The following CSMD3 variants were observed in gnomAD, a reference collection of about 807,000 sequenced individuals.
CSMD3 encodes the protein CUB and Sushi multiple domains 3.
In CSMD3, 177 loss-of-function variants were observed where a neutral mutation model predicts 435.2. That is an observed-to-expected ratio of 0.41 (90% CI 0.36 to 0.46). The LOEUF is 0.46. Among genes scored for constraint, CSMD3 ranks in the 20% least tolerant of loss-of-function variants. The pLI, the probability that CSMD3 is intolerant of heterozygous loss-of-function variation, is 0.34. For synonymous variants in CSMD3, 1,656 were observed against 1,520.5 expected, an observed-to-expected ratio of 1.09 and a Z score of -2.07; for missense variants, 4,265 against 4,504.6, an observed-to-expected ratio of 0.95 and a Z score of 1.52.
intron 10 of CSMD3, among the ~76,000 whole-genome samples, chr8:112,868,552 A>C (rs2130002585): frequency 6.6e-6 from 1 of 152,326 alleles, no homozygotes; most frequent in Admixed American, 6.5e-5. Flanking sequence ...TAGGTGATAT[A>C]AATTTTTCGG....
chr8:113,257,003 T>C (rs1343735007), intron 3 of CSMD3, among the ~76,000 whole-genome samples: 3 of 152,158 alleles, frequency 2.0e-5, no homozygotes, highest in Non-Finnish European at 4.4e-5. Context: ...TGAATGTTAA[T>C]AGAGGAAGGA....
intron 45 of CSMD3, among the ~76,000 whole-genome samples, chr8:112,321,368 G>T (rs151229648): frequency 6.6e-6 from 1 of 152,064 alleles, no homozygotes; most frequent in African/African-American, 2.4e-5. Context: ...TATTATGGGA[G>T]TATTGAAAAG....
At chr8:113,234,353 A>G (rs747979883) in intron 3 of CSMD3, among the ~76,000 whole-genome samples, 6 of 152,124 alleles carry the variant, frequency 3.9e-5, no homozygotes, top group Admixed American at 1.3e-4. Flanking sequence ...TCAAAGCAGA[A>G]TGATGATGTC....
At chr8:112,540,939 G>C (rs1396922610) in intron 27 of CSMD3, among the ~76,000 whole-genome samples, 7 of 151,958 alleles carry the variant, frequency 4.6e-5, no homozygotes, top group African/African-American at 1.7e-4. Context: ...ACTACACAAA[G>C]AAATGACAAA....
chr8:113,228,048 A>AGC, intron 3 of CSMD3, among the ~76,000 whole-genome samples: 1 of 151,588 alleles, frequency 6.6e-6, no homozygotes, highest in Non-Finnish European at 1.5e-5. Flanking sequence ...AATTGGGGTT[A>AGC]TCATGTTATA....
In CSMD3 at chr8:112,561,893, A is replaced by G. The variant is rs1828657262; in HGVS notation, c.4043-4939T>C. Among the ~76,000 whole-genome samples, 4 of 151,764 alleles carry G rather than the reference A, an allele frequency of 2.6e-5. No homozygotes were observed. The South Asian group carries it at 8.3e-4, about 31-fold the overall frequency. ...TACCCAGGCATGCACACATGCGCAC[A>G]CTCACACACACACAAACACATTGTA... On this transcript the variant is annotated intron_variant, in intron 24 of 70. Coordinates refer to ENST00000297405, the MANE Select transcript of CSMD3 (RefSeq NM_198123.2).
At chr8:113,227,905 G>A (rs1373345105) in intron 3 of CSMD3, among the ~76,000 whole-genome samples, 1 of 151,484 alleles carries the variant, frequency 6.6e-6, no homozygotes, top group Admixed American at 6.6e-5. Context: ...AGTAAATCAA[G>A]AGCTTAATGA....
In CSMD3 at chr8:112,234,370, C is replaced by T. The variant is rs2129941172; in HGVS notation, c.10735G>A (p.Gly3579Ser). 1 of 1,592,046 alleles carries T rather than the reference C, an allele frequency of 6.3e-7. No homozygotes were observed. Among genetic ancestry groups the T allele is most frequent in the African/African-American group, 1.3e-5 (1 of 74,562 alleles). The change falls in exon 68 of 71, where the codon GGC becomes AGC. Residue 3579 changes from glycine (G) to serine (S), a missense_variant. Coordinates refer to ENST00000297405, the MANE Select transcript of CSMD3 (RefSeq NM_198123.2). ...KMKEENWAMD[G>S]FVSAEPDGAT... is the part of the protein sequence containing the mutation. ...GTTAAAATAACTATACTTACAAAGCCATCCATTGCCCAATTTTCTTCCTTC... is the reference window on the plus strand; with the variant it reads ...GTTAAAATAACTATACTTACAAAGCTATCCATTGCCCAATTTTCTTCCTTC...
chr8:112,665,098 T>G (rs2075489016), intron 17 of CSMD3, among the ~76,000 whole-genome samples: 1 of 152,138 alleles, frequency 6.6e-6, no homozygotes, highest in Admixed American at 6.6e-5. Flanking sequence ...GTCATCCAAT[T>G]ACAGAAACCA....
intron 6 of CSMD3, among the ~76,000 whole-genome samples, chr8:112,983,618 C>A (rs1408696246): frequency 6.7e-6 from 1 of 150,058 alleles, no homozygotes; most frequent in East Asian, 2.0e-4. Flanking sequence ...AAGTTTTCTT[C>A]CCTTACAAAA....
At chr8:112,308,069 G>A (rs1308946375) in intron 50 of CSMD3, among the ~76,000 whole-genome samples, 1 of 152,114 alleles carries the variant, frequency 6.6e-6, no homozygotes, top group African/African-American at 2.4e-5. Context: ...TTGGTAACCT[G>A]TAAATTATGA....
intron 10 of CSMD3, among the ~76,000 whole-genome samples, chr8:112,905,321 T>TACAC (rs1554715002): frequency 0.023 from 3,278 of 145,630 alleles, 44 homozygotes; most frequent in Non-Finnish European, 0.033. Context: ...TATATATATA[T>TACAC]ACACACACAC....
Position 112,612,904 on chromosome 8 carries a change from A to AT in CSMD3, c.3715+23912dup, listed in dbSNP as rs35820843. 6.9e-3 allele frequency among the ~76,000 whole-genome samples: 203 copies of AT among 29,582 alleles called. 1 individual carries two copies. Among genetic ancestry groups the AT allele is most frequent in the African/African-American group, 0.04 (183 of 4,550 alleles). 19.4% of individuals were successfully genotyped at this position (29,582 alleles called of 152,430 possible). On this transcript the variant is annotated intron_variant, in intron 22 of 70. Transcript: ENST00000297405. Reference sequence around the variant, plus strand: ...CCATACGTGGCTAATTATTATTATTATTTTTTTTTTGAGAGACAGAGGAGT... The same window carrying AT: ...CCATACGTGGCTAATTATTATTATTATTTTTTTTTTTGAGAGACAGAGGAGT...
intron 38 of CSMD3, among the ~76,000 whole-genome samples, chr8:112,354,667 G>A (rs1826425232): frequency 6.6e-6 from 1 of 152,078 alleles, no homozygotes. Flanking sequence ...TTTACATGGA[G>A]AACTACAAAA....
intron 22 of CSMD3, among the ~76,000 whole-genome samples, chr8:112,593,806 G>T (rs936160826): frequency 6.6e-6 from 1 of 152,110 alleles, no homozygotes; most frequent in African/African-American, 2.4e-5. Context: ...AATACTGAGA[G>T]TACATTGATT....
At chr8:112,894,238 A>T (rs1489598404) in intron 10 of CSMD3, among the ~76,000 whole-genome samples, 1 of 151,470 alleles carries the variant, frequency 6.6e-6, no homozygotes, top group Non-Finnish European at 1.5e-5. Context: ...CATTTGTATC[A>T]GCATATAGAC....
At chr8:112,622,670 C>T (rs751098512) in intron 22 of CSMD3, among the ~76,000 whole-genome samples, 1 of 152,184 alleles carries the variant, frequency 6.6e-6, no homozygotes, top group Non-Finnish European at 1.5e-5. Context: ...GACTCTATAA[C>T]GATGTAAAAG....
chr8:112,349,233 A>G (rs1437551811), intron 40 of CSMD3, among the ~76,000 whole-genome samples: 1 of 152,150 alleles, frequency 6.6e-6, no homozygotes, highest in African/African-American at 2.4e-5. Flanking sequence ...TGCACAAATT[A>G]GACAATGCTA....
chr8:113,404,916 T>A (rs1254521276), intron 1 of CSMD3, among the ~76,000 whole-genome samples: 1 of 151,534 alleles, frequency 6.6e-6, no homozygotes, highest in South Asian at 2.1e-4. Flanking sequence ...ATGTATGTGT[T>A]ATGTGCAAGA....
Sources: gnomAD v4.1 joint callset for allele counts (sites outside exome capture counted in the v4.1 genomes callset) on GRCh38, gnomAD v4.1.1 for gene constraint, MANE v1.5 for transcripts, NCBI Gene and HGNC (gene_info 2026-07-23, HGNC 2026-07-21) for gene names.